The following TOX variants were observed in gnomAD, a reference collection of about 807,000 sequenced individuals.
TOX encodes thymocyte selection associated high mobility group box.
TOX carries 11 observed loss-of-function variants against 53.7 expected under a neutral mutation model. That is an observed-to-expected ratio of 0.20 (90% CI 0.13 to 0.34). The LOEUF (loss-of-function observed/expected upper bound fraction) is 0.34, where lower values mean the gene tolerates loss of function less well. Among genes scored for constraint, TOX ranks in the 10% least tolerant of loss-of-function variants. The pLI, the probability that TOX is intolerant of heterozygous loss-of-function variation, is 1.00. For missense variants in TOX, 570 were observed against 664.6 expected (o/e 0.86, Z 1.56); for synonymous variants, 225 against 245.3 (o/e 0.92, Z 0.77).
At chr8:59,112,425 G>T (rs750642343) in intron 1 of TOX, among the ~76,000 whole-genome samples, 10 of 152,162 alleles carry the variant, frequency 6.6e-5, no homozygotes, top group Admixed American at 3.3e-4. Flanking sequence ...GGCATGCAAG[G>T]TTTAAAACAA....
At chr8:58,988,283 G>GT (rs1245132585) in intron 1 of TOX, among the ~76,000 whole-genome samples, 1 of 152,144 alleles carries the variant, frequency 6.6e-6, no homozygotes, top group Non-Finnish European at 1.5e-5. Context: ...CTAAGTTAGG[G>GT]TCCATAAACT....
intron 1 of TOX, among the ~76,000 whole-genome samples, chr8:58,967,605 G>A (rs938761803): frequency 5.9e-5 from 9 of 152,148 alleles, no homozygotes; most frequent in Admixed American, 4.6e-4. Context: ...GGAGGTTTTG[G>A]GTAACATACT....
At chr8:59,012,528 C>T (rs888138472) in intron 1 of TOX, among the ~76,000 whole-genome samples, 3 of 151,740 alleles carry the variant, frequency 2.0e-5, no homozygotes, top group African/African-American at 4.8e-5. Flanking sequence ...CATGAGATCA[C>T]AATTTTTTTT....
intron 1 of TOX, among the ~76,000 whole-genome samples, chr8:59,081,992 T>C (rs1804416944): frequency 6.6e-6 from 1 of 152,204 alleles, no homozygotes; most frequent in Non-Finnish European, 1.5e-5. Flanking sequence ...AAAAATTTAG[T>C]TGAATATTTG....
intron 4 of TOX, among the ~76,000 whole-genome samples, chr8:58,840,889 C>G (rs1390012510): frequency 6.6e-6 from 1 of 152,162 alleles, no homozygotes; most frequent in Non-Finnish European, 1.5e-5. Flanking sequence ...TGAGGGCCCT[C>G]TCTCCCACTG....
At chr8:58,901,340 A>G (rs964882354) in intron 3 of TOX, among the ~76,000 whole-genome samples, 37 of 152,290 alleles carry the variant, frequency 2.4e-4, no homozygotes, top group African/African-American at 8.9e-4. Flanking sequence ...CAGCCATTTC[A>G]TTCTTTGGTG....
In TOX at chr8:58,933,908, A is replaced by G. The variant is rs2129175950; in HGVS notation, c.411+5394T>C. Among the ~76,000 whole-genome samples the G allele has an allele frequency of 2.6e-5, 4 of 152,182 alleles. No individual in the cohort carries two copies. In the South Asian group the frequency reaches 8.3e-4, roughly 32 times the overall value. On this transcript the variant is annotated intron_variant, in intron 3 of 8. Coordinates refer to ENST00000361421, the MANE Select transcript of TOX (RefSeq NM_014729.3). ...TGTGGATCCAGTCTTCTATAGATCT[A>G]CTCCAGCCCTGCTGGTAAGAGGGTT...
At chr8:58,997,359 T>C (rs1415762583) in intron 1 of TOX, among the ~76,000 whole-genome samples, 1 of 152,216 alleles carries the variant, frequency 6.6e-6, no homozygotes, top group Non-Finnish European at 1.5e-5. Flanking sequence ...GTAGTTGAGT[T>C]GAACAAACTT....
intron 3 of TOX, among the ~76,000 whole-genome samples, chr8:58,856,931 G>T (rs1810927814): frequency 6.6e-6 from 1 of 152,086 alleles, no homozygotes; most frequent in Non-Finnish European, 1.5e-5. Context: ...GGAAGTAAAT[G>T]TCTGTCATTG....
chr8:58,982,511 TTTAC>T (rs1302326516), intron 1 of TOX, among the ~76,000 whole-genome samples: 3 of 152,212 alleles, frequency 2.0e-5, no homozygotes, highest in Non-Finnish European at 4.4e-5. Context: ...GTCCTCTATC[TTTAC>T]TGATGGCATG....
chr8:59,064,692 C>T (rs957141964), intron 1 of TOX, among the ~76,000 whole-genome samples: 1 of 152,002 alleles, frequency 6.6e-6, no homozygotes, highest in African/African-American at 2.4e-5. Context: ...TGTACAAATA[C>T]ATTTCCTTCT....
chr8:58,981,449 G>A (rs1813204513), intron 1 of TOX, among the ~76,000 whole-genome samples: 1 of 151,736 alleles, frequency 6.6e-6, no homozygotes, highest in East Asian at 1.9e-4. Context: ...GCCTGGCCTG[G>A]GGAAGTCCCA....
rs2129418076 is a variant in TOX, at chr8:59,000,456, C to T, written c.103-40448G>A. On this transcript the variant is annotated intron_variant, in intron 1 of 8. Coordinates refer to ENST00000361421, the MANE Select transcript of TOX (RefSeq NM_014729.3). Reference sequence around the variant, plus strand: ...ATGAGCTGGATGCTATAGAAAAATGCAATTAGTTATTGTCCTAGCTGACAG... The same window carrying T: ...ATGAGCTGGATGCTATAGAAAAATGTAATTAGTTATTGTCCTAGCTGACAG... Among the ~76,000 whole-genome samples the T allele has an allele frequency of 3.3e-5, 5 of 152,236 alleles. No individual in the cohort carries two copies. In the South Asian group the frequency reaches 1.0e-3, roughly 32 times the overall value.
chr8:59,011,139 A>T (rs922947246), intron 1 of TOX, among the ~76,000 whole-genome samples: 5 of 152,228 alleles, frequency 3.3e-5, no homozygotes, highest in Non-Finnish European at 7.3e-5. Context: ...TGACAATTAC[A>T]CATAATTTAT....
chr8:59,025,591 T>G (rs796961755), intron 1 of TOX, among the ~76,000 whole-genome samples: 7 of 152,248 alleles, frequency 4.6e-5, no homozygotes, highest in African/African-American at 1.4e-4. Context: ...TAAACACACC[T>G]ACTGATCACA....
chr8:58,847,023 A>T (rs759926758), intron 4 of TOX, among the ~76,000 whole-genome samples: 9 of 152,132 alleles, frequency 5.9e-5, no homozygotes, highest in Non-Finnish European at 1.3e-4. Flanking sequence ...AACATACTCT[A>T]TGTGGGTGGT....
chr8:58,823,429 G>C (rs1268669203), intron 6 of TOX, among the ~76,000 whole-genome samples: 1 of 152,058 alleles, frequency 6.6e-6, no homozygotes, highest in African/African-American at 2.4e-5. Context: ...TCACCATATT[G>C]GCCAGGCTGG....
chr8:58,813,783 TC>T, intron 7 of TOX, among the ~76,000 whole-genome samples: 1 of 152,284 alleles, frequency 6.6e-6, no homozygotes, highest in South Asian at 2.1e-4. Flanking sequence ...AGAAGATAAA[TC>T]CCTTTGTTCT....
intron 5 of TOX, among the ~76,000 whole-genome samples, chr8:58,837,819 C>T (rs1027302986): frequency 6.6e-6 from 1 of 152,050 alleles, no homozygotes; most frequent in African/African-American, 2.4e-5. Context: ...TAAGGCAATC[C>T]TGTCTGAGAT....
Sources: gnomAD v4.1 joint callset for allele counts (sites outside exome capture counted in the v4.1 genomes callset) on GRCh38, gnomAD v4.1.1 for gene constraint, MANE v1.5 for transcripts, NCBI Gene and HGNC (gene_info 2026-07-23, HGNC 2026-07-21) for gene names.